The following CACNA2D2 variants were observed in gnomAD, a reference collection of about 807,000 sequenced individuals.
CACNA2D2 encodes the protein voltage-dependent calcium channel subunit alpha-2/delta-2.
In CACNA2D2, 48 loss-of-function variants were observed where a neutral mutation model predicts 166.4. The observed-to-expected ratio is 0.29, with a 90% CI of 0.23 to 0.37. The LOEUF (loss-of-function observed/expected upper bound fraction) is 0.37. Ranked by LOEUF, CACNA2D2 falls within the 10% of genes least tolerant of loss-of-function variation. The pLI is 1.00. For missense variants in CACNA2D2, 1,122 were observed against 1,433.0 expected, an observed-to-expected ratio of 0.78 and a Z score of 3.50; for synonymous variants, 561 against 573.7, an observed-to-expected ratio of 0.98 and a Z score of 0.32.
chr3:50,366,460 G>T lies in CACNA2D2; in HGVS notation c.2637+118C>A. On this transcript the variant is annotated intron_variant, in intron 30 of 37. Coordinates refer to ENST00000424201, the MANE Select transcript of CACNA2D2 (RefSeq NM_006030.4). The surrounding 1 kb of genome is among the most constrained non-coding windows in gnomAD (Gnocchi z 5.9). ...CCCCCAGTCCTGGGAAGGCTGTGAA[G>T]TCAGGGTGGGGATGTTGAGACCCAC... 1 of 1,464,720 alleles carries T rather than the reference G, an allele frequency of 6.8e-7. No individual in the cohort carries two copies. Among genetic ancestry groups the T allele is most frequent in the Non-Finnish European group, 9.6e-7 (1 of 1,045,132 alleles). 90.7% of individuals were successfully genotyped at this position (1,464,720 alleles called of 1,614,324 possible).
chr3:50,492,030 A>G (rs1698541503), intron 1 of CACNA2D2, among the ~76,000 whole-genome samples: 1 of 152,208 alleles, frequency 6.6e-6, no homozygotes, highest in Non-Finnish European at 1.5e-5. Flanking sequence ...GTGCTGACCA[A>G]TGACACCCAG....
rs748413776 is a variant in CACNA2D2, at chr3:50,365,899, C to T, written c.2863-37G>A. The T allele has an allele frequency of 1.2e-6, 2 of 1,612,710 alleles. No homozygotes were observed. The highest frequency in any genetic ancestry group is 1.7e-6 in the Non-Finnish European group (2 of 1,179,804). ...AGAGGGGCGTGGACTGCCACTGCTGCCCCTCGCCCTAGGTCACCCCCAGCT... is the reference window on the plus strand; with the variant it reads ...AGAGGGGCGTGGACTGCCACTGCTGTCCCTCGCCCTAGGTCACCCCCAGCT... On this transcript the variant is annotated intron_variant, in intron 32 of 37. Transcript: ENST00000424201. The surrounding 1 kb of genome is among the most constrained non-coding windows in gnomAD (Gnocchi z 4.5).
intron 1 of CACNA2D2, among the ~76,000 whole-genome samples, chr3:50,482,793 A>T (rs1347228904): frequency 6.6e-6 from 1 of 152,206 alleles, no homozygotes; most frequent in East Asian, 1.9e-4. Flanking sequence ...AGCCCTGGGG[A>T]AGGGCAGGGT....
chr3:50,384,583 T>A (rs1438626365), intron 5 of CACNA2D2, among the ~76,000 whole-genome samples: 1 of 150,622 alleles, frequency 6.6e-6, no homozygotes, highest in African/African-American at 2.4e-5. Flanking sequence ...ATCCCCACAT[T>A]TGCTAAACCC....
chr3:50,420,019 G>A (rs561830397), intron 3 of CACNA2D2: 9 of 152,422 alleles, frequency 5.9e-5, no homozygotes, highest in African/African-American at 1.4e-4. Context: ...CAGGTCCCCC[G>A]CGGAGACGCG....
rs747628100 is a variant in CACNA2D2, at chr3:50,379,400, C to A, written c.1152+32G>T. 3.1e-6 allele frequency: 5 copies of A among 1,608,690 alleles called. No homozygotes were observed. Among genetic ancestry groups the A allele is most frequent in the Non-Finnish European group, 4.2e-6 (5 of 1,176,604 alleles). ...ACCAAGCCAGGGCCCTCTACTCCCCCAGCCGCCCACTTGCCCACCCATGGG... is the reference window on the plus strand; with the variant it reads ...ACCAAGCCAGGGCCCTCTACTCCCCAAGCCGCCCACTTGCCCACCCATGGG... On this transcript the variant is annotated intron_variant, in intron 11 of 37. Coordinates refer to ENST00000424201, the MANE Select transcript of CACNA2D2 (RefSeq NM_006030.4). The surrounding 1 kb of genome is among the most constrained non-coding windows in gnomAD (Gnocchi z 6.5).
At chr3:50,498,565 T>C (rs1265505455) in intron 1 of CACNA2D2, among the ~76,000 whole-genome samples, 1 of 152,206 alleles carries the variant, frequency 6.6e-6, no homozygotes, top group Non-Finnish European at 1.5e-5. Flanking sequence ...AGGAAAGCTC[T>C]GGGCTGGGGG....
Position 50,452,015 on chromosome 3 carries a change from G to A in CACNA2D2, c.289-17586C>T, listed in dbSNP as rs573649067. On this transcript the variant is annotated intron_variant, in intron 2 of 37. Transcript: ENST00000424201. ...GCTGCATCACCCAGATTACCCCTTCGGCACGAGGCCCTCATCCCCTCACTG... is the reference window on the plus strand; with the variant it reads ...GCTGCATCACCCAGATTACCCCTTCAGCACGAGGCCCTCATCCCCTCACTG... Among the ~76,000 whole-genome samples, 6 of 152,224 alleles carry A rather than the reference G, an allele frequency of 3.9e-5. No homozygotes were observed. In the East Asian group the frequency reaches 7.7e-4, roughly 20 times the overall value.
At chr3:50,475,718 G>A (rs1415909946) in intron 2 of CACNA2D2, among the ~76,000 whole-genome samples, 7 of 151,526 alleles carry the variant, frequency 4.6e-5, no homozygotes, top group African/African-American at 7.3e-5. Flanking sequence ...CACCGCTTTC[G>A]GGCTGGTATG....
chr3:50,488,657 C>A (rs566336144), intron 1 of CACNA2D2, among the ~76,000 whole-genome samples: 2 of 147,204 alleles, frequency 1.4e-5, no homozygotes, highest in African/African-American at 5.0e-5. Flanking sequence ...GCAAGAAGTG[C>A]CCACAAGTGC....
chr3:50,468,818 C>G (rs1342616765), intron 2 of CACNA2D2, among the ~76,000 whole-genome samples: 1 of 149,058 alleles, frequency 6.7e-6, no homozygotes, highest in Non-Finnish European at 1.5e-5. Context: ...CCATTCCATC[C>G]CCTTCTCTCT....
Position 50,363,979 on chromosome 3 carries a change from A to ACCAAC in CACNA2D2, c.*686_*687insGTTGG, listed in dbSNP as rs1252447148. On this transcript the variant is annotated 3_prime_UTR_variant, in exon 38 of 38. Transcript: ENST00000424201. ...TGTGTAAGGCTTTGTAAGCCCCTAC[A>ACCAAC]CCCACCCCACCCCATAGTGTGTGTG... 1 of 151,776 alleles carries ACCAAC rather than the reference A, an allele frequency of 6.6e-6. No individual in the cohort carries two copies. The highest frequency in any genetic ancestry group is 1.5e-5 in the Non-Finnish European group (1 of 68,036). The allele number at this position is 151,776 out of a possible 1,614,324, so 9.4% of individuals were successfully genotyped here. A position where few individuals can be genotyped will look rare whatever the true frequency, so the allele number is the denominator to read the frequency against.
chr3:50,385,895 T>C (rs1705580280), intron 5 of CACNA2D2, among the ~76,000 whole-genome samples: 1 of 152,204 alleles, frequency 6.6e-6, no homozygotes, highest in Non-Finnish European at 1.5e-5. Context: ...CTCCCAACTT[T>C]CTCAACTAAT....
At chr3:50,454,374 T>A (rs1349885802) in intron 2 of CACNA2D2, among the ~76,000 whole-genome samples, 1 of 152,052 alleles carries the variant, frequency 6.6e-6, no homozygotes, top group African/African-American at 2.4e-5. Flanking sequence ...ACGCGCACCC[T>A]CCCTGGCCCA....
intron 2 of CACNA2D2, among the ~76,000 whole-genome samples, chr3:50,454,473 CT>C (rs547902571): frequency 1.3e-5 from 2 of 152,174 alleles, no homozygotes; most frequent in South Asian, 4.1e-4. Flanking sequence ...GTCCTTGCCT[CT>C]CCCCCGAGGA....
intron 2 of CACNA2D2, among the ~76,000 whole-genome samples, chr3:50,435,192 G>A (rs1708256775): frequency 6.6e-6 from 1 of 151,930 alleles, no homozygotes. Flanking sequence ...ACGTGCCTGC[G>A]TGTTGGGGCT....
At chr3:50,423,802 A>C (rs1707681905) in intron 3 of CACNA2D2, among the ~76,000 whole-genome samples, 2 of 152,254 alleles carry the variant, frequency 1.3e-5, no homozygotes, top group Non-Finnish European at 2.9e-5. Context: ...AGGAGGCAGG[A>C]AGCTTCGAGC....
chr3:50,367,614 G>A lies in CACNA2D2; in HGVS notation c.2297+28C>T. 6.2e-7 allele frequency: 1 copy of A among 1,610,638 alleles called. No homozygotes were observed. The highest frequency in any genetic ancestry group is 1.1e-5 in the South Asian group (1 of 90,998). The stretch of plus-strand genomic sequence containing the variant: ...GATGCAGGTTCCCTGGCAGGGGCAG[G>A]GTTTGGGTAGTGGGATAGGTCACTT... On this transcript the variant is annotated intron_variant, in intron 26 of 37. Coordinates refer to ENST00000424201, the MANE Select transcript of CACNA2D2 (RefSeq NM_006030.4). This position sits in a 1 kb window ranked among gnomAD's most constrained non-coding sequence, Gnocchi z 6.5.
At chr3:50,377,444 C>T (rs149337367) in intron 17 of CACNA2D2, 23 bp downstream of exon 17, 815 of 1,602,524 alleles carry the variant, frequency 5.1e-4, no homozygotes, top group East Asian at 1.4e-3. Context: ...GCAGGGTACG[C>T]GGATGGGCAG....
Sources: allele counts gnomAD v4.1 joint callset (sites outside exome capture counted in the v4.1 genomes callset), GRCh38; gene constraint gnomAD v4.1.1; non-coding constraint Gnocchi (gnomAD v3.1); transcripts MANE v1.5; gene names NCBI Gene and HGNC (gene_info 2026-07-23, HGNC 2026-07-21).